The following KCNJ10 variants were observed in gnomAD, a reference collection of about 807,000 sequenced individuals.
KCNJ10 encodes ATP-sensitive inward rectifier potassium channel 10.
Under a neutral mutation model 22.2 loss-of-function variants are expected in KCNJ10, and 9 were observed. The observed-to-expected ratio is 0.40, with a 90% confidence interval of 0.24 to 0.71. The LOEUF is 0.71. Among genes scored for constraint, KCNJ10 ranks in the 30% least tolerant of loss-of-function variants. The pLI is 0.35. For missense variants in KCNJ10, 337 were observed against 482.7 expected, an observed-to-expected ratio of 0.70 and a Z score of 2.83; for synonymous variants, 184 against 187.3, an observed-to-expected ratio of 0.98 and a Z score of 0.15.
chr1:160,042,630 T>G, intron 1 of KCNJ10, 98 bp from the exon 2 acceptor site: 2 of 1,060,796 alleles, frequency 1.9e-6, no homozygotes, highest in Admixed American at 3.7e-5. Context: ...TTCATTTGAA[T>G]GTCGCTTATG....
rs778505490 is a variant in KCNJ10, at chr1:160,041,526, A to G, written c.1007T>C (p.Val336Ala). Residue 336 changes from valine (V) to alanine (A), a missense_variant, in exon 2 of 2, where the codon GTG becomes GCG. Coordinates refer to ENST00000644903, the MANE Select transcript of KCNJ10 (RefSeq NM_002241.5). This position sits in a 1 kb window ranked among gnomAD's most constrained non-coding sequence, Gnocchi z 4.4. ...GTCACGGAGGCCACTAGGAGAGGCCACTTTCACAACTTGGTCAAAAAGGCT... is the reference window on the plus strand; with the variant it reads ...GTCACGGAGGCCACTAGGAGAGGCCGCTTTCACAACTTGGTCAAAAAGGCT... ...DFSLFDQVVK[V>A]ASPSGLRDST... 6 of 1,614,040 alleles carry G rather than the reference A, an allele frequency of 3.7e-6. No individual in the cohort carries two copies. The highest frequency in any genetic ancestry group is 1.3e-5 in the African/African-American group (1 of 74,904).
At chr1:160,047,640 C>T (rs1338388606) in intron 1 of KCNJ10, among the ~76,000 whole-genome samples, 1 of 152,180 alleles carries the variant, frequency 6.6e-6, no homozygotes, top group African/African-American at 2.4e-5. Flanking sequence ...CCTTCCCTGA[C>T]TCTCAAAAAA....
intron 1 of KCNJ10, among the ~76,000 whole-genome samples, chr1:160,044,327 A>G (rs1342902601): frequency 6.6e-6 from 1 of 152,220 alleles, no homozygotes; most frequent in Non-Finnish European, 1.5e-5. Context: ...AAGAATTTGT[A>G]TTTCAAGCCT....
In KCNJ10 at chr1:160,040,567, A is replaced by G. The variant is rs1648577100; in HGVS notation, c.*826T>C. 6 of 398,680 alleles carry G rather than the reference A, an allele frequency of 1.5e-5. No individual in the cohort carries two copies. Among genetic ancestry groups the G allele is most frequent in the East Asian group, 1.1e-4 (3 of 28,084 alleles). The allele number at this position is 398,680 out of a possible 1,614,324, so 24.7% of individuals were successfully genotyped here. A position where few individuals can be genotyped will look rare whatever the true frequency, so the allele number is the denominator to read the frequency against. ...CATATTGGCTTGGGTCCTTCCATTC[A>G]CAGGACACAGGGAAACAGATCTTCT... is the stretch of plus-strand genomic sequence containing the variant. On this transcript the variant is annotated 3_prime_UTR_variant, in exon 2 of 2. Transcript: ENST00000644903.
At chr1:160,049,052 T>G (rs762515512) in intron 1 of KCNJ10, among the ~76,000 whole-genome samples, 54 of 152,206 alleles carry the variant, frequency 3.5e-4, no homozygotes, top group Non-Finnish European at 4.9e-4. Context: ...AATATTAAGA[T>G]TATAATCCTT....
At chr1:160,046,354 T>C (rs1171933126) in intron 1 of KCNJ10, among the ~76,000 whole-genome samples, 2 of 152,080 alleles carry the variant, frequency 1.3e-5, no homozygotes, top group Non-Finnish European at 2.9e-5. Flanking sequence ...CCAAGTAGAT[T>C]AGTGGTAAAG....
At chr1:160,061,698 G>C (rs72704732) in intron 1 of KCNJ10, among the ~76,000 whole-genome samples, 24 of 150,274 alleles carry the variant, frequency 1.6e-4, no homozygotes, top group African/African-American at 3.7e-4. Flanking sequence ...AAGGGCATGG[G>C]GGGGAGGGAC....
At position 160,039,560 on chromosome 1, in the gene KCNJ10, A is replaced by G. The variant is rs1648556436; in HGVS notation, c.*1833T>C. The G allele has an allele frequency of 6.6e-6, 1 of 152,142 alleles. No individual in the cohort carries two copies. 9.4% of individuals were successfully genotyped at this position (152,142 alleles called of 1,614,324 possible). On this transcript the variant is annotated 3_prime_UTR_variant, in exon 2 of 2. Coordinates refer to ENST00000644903, the MANE Select transcript of KCNJ10 (RefSeq NM_002241.5). ...TCAAGTTTTTGTGGTTCTTGTTTTT[A>G]TGCCAACTAGAAGGTAATGGTGGGG... is the stretch of plus-strand genomic sequence containing the variant.
intron 1 of KCNJ10, among the ~76,000 whole-genome samples, chr1:160,062,251 T>C (rs1399792046): frequency 6.6e-6 from 1 of 151,684 alleles, no homozygotes; most frequent in African/African-American, 2.4e-5. Context: ...CTCCGGACAC[T>C]GGGGCGAAGG....
intron 1 of KCNJ10, among the ~76,000 whole-genome samples, chr1:160,053,108 G>A (rs1648942271): frequency 6.6e-6 from 1 of 152,114 alleles, no homozygotes; most frequent in South Asian, 2.1e-4. Context: ...CAGTCTGGGA[G>A]GTGCTACGTT....
At chr1:160,048,500 AC>A (rs1007956434) in intron 1 of KCNJ10, among the ~76,000 whole-genome samples, 2 of 152,006 alleles carry the variant, frequency 1.3e-5, no homozygotes, top group African/African-American at 4.8e-5. Flanking sequence ...AGATGCTTCA[AC>A]CCCCTCCCAG....
chr1:160,048,183 G>A (rs553342403), intron 1 of KCNJ10, among the ~76,000 whole-genome samples: 1 of 152,374 alleles, frequency 6.6e-6, no homozygotes, highest in South Asian at 2.1e-4. Context: ...AGTTTGTTAA[G>A]AAAGAGTAAG....
intron 1 of KCNJ10, among the ~76,000 whole-genome samples, chr1:160,061,219 C>A (rs1469912523): frequency 6.6e-6 from 1 of 152,026 alleles, no homozygotes; most frequent in Non-Finnish European, 1.5e-5. Flanking sequence ...GGGAAAAACA[C>A]AAAAAAACTA....
intron 1 of KCNJ10, among the ~76,000 whole-genome samples, chr1:160,050,526 G>C (rs534046027): frequency 6.6e-6 from 1 of 152,072 alleles, no homozygotes; most frequent in Non-Finnish European, 1.5e-5. Context: ...GATTCTTTCC[G>C]TGAAGACCTT....
intron 1 of KCNJ10, among the ~76,000 whole-genome samples, chr1:160,054,945 C>T (rs1052026931): frequency 1.3e-5 from 2 of 152,146 alleles, no homozygotes; most frequent in Admixed American, 6.5e-5. Context: ...GCTTCACCAG[C>T]GATTTACCAC....
At position 160,041,562 on chromosome 1, in the gene KCNJ10, A is replaced by G. The variant is rs1170710028; in HGVS notation, c.971T>C (p.Ile324Thr). ...TTGGTCAAAAAGGCTAAAGTCAGCTATGTATTTACCACTGGCTGACAGTGA... is the reference window on the plus strand; with the variant it reads ...TTGGTCAAAAAGGCTAAAGTCAGCTGTGTATTTACCACTGGCTGACAGTGA... ...AISLSASGKY[I>T]ADFSLFDQVV... Residue 324 changes from isoleucine to threonine, a missense_variant, in exon 2 of 2, where the codon ATA (isoleucine) becomes ACA (threonine). By Grantham distance (89) the Ile-to-Thr change is moderately conservative. This residue lies in a region of KCNJ10 where 165 missense variants were observed against 281.5 expected (regional missense o/e 0.59). Coordinates refer to ENST00000644903, the MANE Select transcript of KCNJ10 (RefSeq NM_002241.5). The surrounding 1 kb of genome is among the most constrained non-coding windows in gnomAD (Gnocchi z 4.4). The G allele has an allele frequency of 3.1e-6, 5 of 1,614,186 alleles. No individual in the cohort carries two copies. Among genetic ancestry groups the G allele is most frequent in the African/African-American group, 1.3e-5 (1 of 75,054 alleles).
At chr1:160,064,012 T>C (rs1649259162) in intron 1 of KCNJ10, among the ~76,000 whole-genome samples, 1 of 152,230 alleles carries the variant, frequency 6.6e-6, no homozygotes, top group South Asian at 2.1e-4. Context: ...GCCACATAGC[T>C]AGTGAGTAGT....
chr1:160,057,607 G>A (rs1649071932), intron 1 of KCNJ10, among the ~76,000 whole-genome samples: 1 of 152,218 alleles, frequency 6.6e-6, no homozygotes, highest in African/African-American at 2.4e-5. Flanking sequence ...CCAGCCTCAG[G>A]AGTATCAGGC....
intron 1 of KCNJ10, among the ~76,000 whole-genome samples, chr1:160,055,786 C>G (rs1184933123): frequency 1.3e-5 from 2 of 152,114 alleles, no homozygotes; most frequent in Non-Finnish European, 2.9e-5. Flanking sequence ...TCCTCTGCAC[C>G]TTAACTGTTG....
Sources: gnomAD v4.1 joint callset for allele counts (sites outside exome capture counted in the v4.1 genomes callset) on GRCh38, gnomAD v4.1.1 for gene constraint, gnomAD v4.1.1 regional missense constraint, Gnocchi (gnomAD v3.1) non-coding constraint, MANE v1.5 for transcripts, NCBI Gene and HGNC (gene_info 2026-07-23, HGNC 2026-07-21) for gene names.